Variants in FCF1 observed in about 807,000 individuals in gnomAD.
The protein encoded by FCF1 is FCF1 rRNA-processing protein, also known as rRNA-processing protein FCF1 homolog.
A neutral mutation model predicts 32.5 loss-of-function variants in FCF1; 17 were observed. The observed-to-expected ratio is 0.52, with a 90% CI of 0.36 to 0.78. The LOEUF is 0.78. Ranked by LOEUF, FCF1 falls within the 30% of genes least tolerant of loss-of-function variation. The pLI, the probability that FCF1 is intolerant of heterozygous loss-of-function variation, is 0.00. For missense variants in FCF1, 201 were observed against 241.1 expected (o/e 0.83, Z 1.10); for synonymous variants, 84 against 78.4 (o/e 1.07, Z -0.38).
chr14:74,721,044 AT>A (rs750216386), intron 4 of FCF1, among the ~76,000 whole-genome samples: 2,273 of 120,910 alleles, frequency 0.019, 36 homozygotes, highest in African/African-American at 0.05. Context: ...CACCCACCTA[AT>A]TTTTTTTTTT....
In FCF1 at chr14:74,716,097, A is replaced by G. The variant is rs1258741050; in HGVS notation, c.290A>G (p.Lys97Arg). Reference sequence around the variant, plus strand: ...TCAATGATGGACTGTCTGTATGCCAAGTGTGAGTATCATACTTTTATGTTT... The same window carrying G: ...TCAATGATGGACTGTCTGTATGCCAGGTGTGAGTATCATACTTTTATGTTT... ...VQSMMDCLYA[K>R]CIPCITDCVM... The change falls in exon 4 of 8, where the codon AAG becomes AGG. Residue 97 changes from lysine (K) to arginine (R), a missense_variant and splice_region_variant. By Grantham distance (26) the Lys-to-Arg change is conservative. Coordinates refer to ENST00000341162, the MANE Select transcript of FCF1 (RefSeq NM_015962.5). The G allele has an allele frequency of 6.2e-7, 1 of 1,613,428 alleles. No homozygotes were observed. Among genetic ancestry groups the G allele is most frequent in the Admixed American group, 1.7e-5 (1 of 60,004 alleles).
intron 5 of FCF1, among the ~76,000 whole-genome samples, chr14:74,730,998 CAA>C (rs774733553): frequency 4.3e-5 from 6 of 138,634 alleles, no homozygotes; most frequent in Admixed American, 7.3e-5. Flanking sequence ...ACCCCATCTC[CAA>C]AAAAAAAAAA....
chr14:74,715,666 G>T (rs1243390286), intron 3 of FCF1: 5 of 482,858 alleles, frequency 1.0e-5, no homozygotes, highest in Non-Finnish European at 1.5e-5. Flanking sequence ...TGCCCATGGT[G>T]ATTCTACTTT....
intron 4 of FCF1, among the ~76,000 whole-genome samples, chr14:74,719,976 T>G (rs991567061): frequency 1.3e-5 from 2 of 151,978 alleles, no homozygotes; most frequent in African/African-American, 4.8e-5. Context: ...CTGTCTCTAC[T>G]AAAAATCCAA....
intron 4 of FCF1, among the ~76,000 whole-genome samples, chr14:74,719,124 T>C (rs1355896416): frequency 8.0e-5 from 10 of 124,356 alleles, no homozygotes; most frequent in African/African-American, 3.4e-4. Flanking sequence ...AGCGAGACTC[T>C]GTCTCAAAAA....
At chr14:74,734,840 T>G (rs199625114) in intron 7 of FCF1, 42 bp from the exon 8 acceptor site, 2 of 1,563,936 alleles carry the variant, frequency 1.3e-6, no homozygotes, top group Admixed American at 1.7e-5. Flanking sequence ...ATGGGTTCTC[T>G]TCCCATCTTT....
At position 74,713,443 on chromosome 14, in the gene FCF1, G is replaced by A. The variant is rs369473016; in HGVS notation, c.4-42G>A. 5 of 1,592,116 alleles carry A rather than the reference G, an allele frequency of 3.1e-6. No homozygotes were observed. In the South Asian group the frequency reaches 3.3e-5, roughly 11 times the overall value. On this transcript the variant is annotated intron_variant, in intron 1 of 7. Transcript: ENST00000341162. ...AAAAGAAGAGACTTTAAAAGATGCC[G>A]TGTGTTTCCAACTTTTTTAATTCTA...
At chr14:74,721,137 A>G (rs1421153664) in intron 4 of FCF1, among the ~76,000 whole-genome samples, 1 of 149,414 alleles carries the variant, frequency 6.7e-6, no homozygotes, top group Admixed American at 6.8e-5. Flanking sequence ...CTCTGCCTCC[A>G]GGCTTCAAGT....
intron 2 of FCF1, 40 bp downstream of exon 2, chr14:74,713,592 A>C (rs760586838): frequency 2.0e-6 from 3 of 1,511,184 alleles, no homozygotes; most frequent in Non-Finnish European, 2.7e-6. Flanking sequence ...TATTCTAATA[A>C]GAGTCTAGAG....
Position 74,734,180 on chromosome 14 carries a change from T to G in FCF1, c.548+10T>G. 6.5e-7 allele frequency: 1 copy of G among 1,530,220 alleles called. No homozygotes were observed. Among genetic ancestry groups the G allele is most frequent in the Non-Finnish European group, 9.1e-7 (1 of 1,104,080 alleles). 94.8% of individuals were successfully genotyped at this position (1,530,220 alleles called of 1,614,324 possible). On this transcript the variant is annotated intron_variant, in intron 7 of 7. Transcript: ENST00000341162. ...ACATTTCTAACCATAGGTGAGAAAT[T>G]TCCCTTGGAGAAGGGAATAGAAATA...
intron 5 of FCF1, among the ~76,000 whole-genome samples, chr14:74,725,873 T>G (rs2090571619): frequency 6.6e-6 from 1 of 151,460 alleles, no homozygotes; most frequent in Non-Finnish European, 1.5e-5. Context: ...GAGGCGGAGC[T>G]TGCAGTGAGC....
At chr14:74,720,961 C>G (rs564732660) in intron 4 of FCF1, among the ~76,000 whole-genome samples, 1 of 151,284 alleles carries the variant, frequency 6.6e-6, no homozygotes, top group East Asian at 1.9e-4. Flanking sequence ...TCACTACAGC[C>G]TCTGCCTCCC....
intron 4 of FCF1, among the ~76,000 whole-genome samples, chr14:74,717,877 G>T (rs2090442614): frequency 1.3e-5 from 2 of 152,024 alleles, no homozygotes; most frequent in Non-Finnish European, 2.9e-5. Context: ...CTTTAAATAT[G>T]TATACTTTTT....
At chr14:74,715,907 A>G in intron 3 of FCF1, 44 bp from the exon 4 acceptor site, 1 of 1,611,222 alleles carries the variant, frequency 6.2e-7, no homozygotes, top group Non-Finnish European at 8.5e-7. Context: ...ATACTAGGGT[A>G]TCAATGTAAA....
rs2090700026 is a variant in FCF1, at chr14:74,735,787, T to G, written c.*857T>G. 6.6e-6 allele frequency: 1 copy of G among 152,370 alleles called. No homozygotes were observed. Among genetic ancestry groups the G allele is most frequent in the African/African-American group, 2.4e-5 (1 of 41,416 alleles). 9.4% of individuals were successfully genotyped at this position (152,370 alleles called of 1,614,324 possible). A position where few individuals can be genotyped will look rare whatever the true frequency, so the allele number is the denominator to read the frequency against. ...GGATATTTTTAGTAGAGACAAATAC[T>G]TTTGTATTTTTAATACAGAAAAGTA... On this transcript the variant is annotated 3_prime_UTR_variant, in exon 8 of 8. Transcript: ENST00000341162.
chr14:74,719,813 G>A (rs1342286821), intron 4 of FCF1, among the ~76,000 whole-genome samples: 1 of 152,000 alleles, frequency 6.6e-6, no homozygotes, highest in Admixed American at 6.6e-5. Flanking sequence ...CCTCAAAGGA[G>A]CAATTATAAA....
At chr14:74,730,907 G>A (rs2090628011) in intron 5 of FCF1, among the ~76,000 whole-genome samples, 1 of 152,102 alleles carries the variant, frequency 6.6e-6, no homozygotes, top group Non-Finnish European at 1.5e-5. Context: ...GCTGAAGCAG[G>A]AGAATCGCTT....
rs1566724843 is a variant in FCF1, at chr14:74,737,854, G to T, written c.*2924G>T. 6.6e-6 allele frequency: 1 copy of T among 152,146 alleles called. No individual in the cohort carries two copies. Among genetic ancestry groups the T allele is most frequent in the Non-Finnish European group, 1.5e-5 (1 of 68,070 alleles). The allele number at this position is 152,146 out of a possible 1,614,324, so 9.4% of individuals were successfully genotyped here. A position where few individuals can be genotyped will look rare whatever the true frequency, so the allele number is the denominator to read the frequency against. On this transcript the variant is annotated 3_prime_UTR_variant, in exon 8 of 8. Transcript: ENST00000341162. ...AAAAAAACAATTAGGCAGGCATGGT[G>T]GCAAATGCCTGTATTCCCAGCTACT...
intron 3 of FCF1, 30 bp from the exon 4 acceptor site, chr14:74,715,921 T>G (rs775782725): frequency 5.0e-6 from 8 of 1,611,706 alleles, no homozygotes; most frequent in African/African-American, 1.3e-5. Context: ...ATGTAAATTT[T>G]TCTTTGTTCT....
Sources: gnomAD v4.1 joint callset for allele counts (sites outside exome capture counted in the v4.1 genomes callset) on GRCh38, gnomAD v4.1.1 for gene constraint, MANE v1.5 for transcripts, NCBI Gene and HGNC (gene_info 2026-07-23, HGNC 2026-07-21) for gene names.